The following CNTN3 variants were observed in gnomAD, a reference collection of about 807,000 sequenced individuals.
CNTN3 encodes the protein contactin 3.
Under a neutral mutation model 119.1 loss-of-function variants are expected in CNTN3, and 60 were observed. That is an observed-to-expected ratio of 0.50 (90% CI 0.41 to 0.62). The LOEUF (loss-of-function observed/expected upper bound fraction) is 0.62, where lower values mean the gene tolerates loss of function less well. Ranked by LOEUF, CNTN3 falls within the 20% of genes least tolerant of loss-of-function variation. CNTN3 has a pLI of 0.00. For synonymous variants in CNTN3, 450 were observed against 438.7 expected, an observed-to-expected ratio of 1.03 and a Z score of -0.32; for missense variants, 1,101 against 1,242.4, an observed-to-expected ratio of 0.89 and a Z score of 1.71.
At chr3:74,503,962 C>T (rs947394210) in intron 2 of CNTN3, among the ~76,000 whole-genome samples, 12 of 152,112 alleles carry the variant, frequency 7.9e-5, no homozygotes, top group Non-Finnish European at 1.5e-4. Flanking sequence ...TAAGTACAAG[C>T]TTTATGAGCT....
intron 13 of CNTN3, among the ~76,000 whole-genome samples, chr3:74,315,881 T>C (rs1305322138): frequency 1.3e-5 from 2 of 152,212 alleles, no homozygotes; most frequent in Non-Finnish European, 2.9e-5. Flanking sequence ...TATGAAAATA[T>C]TTTATATGGA....
At chr3:74,380,268 C>T (rs1704581390) in intron 5 of CNTN3, among the ~76,000 whole-genome samples, 1 of 152,192 alleles carries the variant, frequency 6.6e-6, no homozygotes, top group African/African-American at 2.4e-5. Flanking sequence ...GCTTTGTGTG[C>T]TGAAAGAAAG....
intron 13 of CNTN3, among the ~76,000 whole-genome samples, chr3:74,304,380 T>C (rs1371966841): frequency 3.9e-5 from 6 of 152,204 alleles, no homozygotes; most frequent in Admixed American, 2.0e-4. Context: ...CTTTAGAAAC[T>C]CTTAGGTCTT....
At chr3:74,424,700 T>C (rs1160868708) in intron 5 of CNTN3, 145 bp downstream of exon 5, 3 of 716,716 alleles carry the variant, frequency 4.2e-6, no homozygotes, top group Non-Finnish European at 2.4e-6. Flanking sequence ...GTAGTGTTCC[T>C]CATATTCCAA....
At chr3:74,424,240 C>G (rs966411264) in intron 5 of CNTN3, among the ~76,000 whole-genome samples, 4 of 151,996 alleles carry the variant, frequency 2.6e-5, no homozygotes, top group Admixed American at 1.3e-4. Flanking sequence ...TTCATATGTG[C>G]TGAAGTTCAT....
chr3:74,440,146 T>G (rs1701937340), intron 4 of CNTN3, among the ~76,000 whole-genome samples: 1 of 152,196 alleles, frequency 6.6e-6, no homozygotes. Flanking sequence ...TAATATTCTG[T>G]GGTGCATTTT....
chr3:74,439,088 T>TAA (rs1210610260), intron 4 of CNTN3, among the ~76,000 whole-genome samples: 1 of 152,196 alleles, frequency 6.6e-6, no homozygotes, highest in Non-Finnish European at 1.5e-5. Flanking sequence ...TTAATTAGCT[T>TAA]AATTTGATTT....
At chr3:74,485,722 A>G (rs934899021) in intron 4 of CNTN3, among the ~76,000 whole-genome samples, 10 of 144,334 alleles carry the variant, frequency 6.9e-5, no homozygotes, top group Non-Finnish European at 1.2e-4. Context: ...AACTAAAATA[A>G]AGAGAGACTA....
chr3:74,413,644 G>A (rs1280985143), intron 5 of CNTN3, among the ~76,000 whole-genome samples: 6 of 152,136 alleles, frequency 3.9e-5, no homozygotes, highest in South Asian at 2.1e-4. Flanking sequence ...CCCTCCTTTC[G>A]TTTGAATTAC....
At chr3:74,504,948 G>T (rs1208900534) in intron 2 of CNTN3, among the ~76,000 whole-genome samples, 3 of 152,126 alleles carry the variant, frequency 2.0e-5, no homozygotes, top group African/African-American at 7.2e-5. Flanking sequence ...CTGAAAGTCT[G>T]TATCAAGGTG....
chr3:74,327,105 CCTT>C lies in CNTN3; in HGVS notation c.1668+7627_1668+7629del, dbSNP rs1163819403. 8.5e-3 allele frequency among the ~76,000 whole-genome samples: 766 copies of C among 90,604 alleles called. 2 individuals carry two copies. The highest frequency in any genetic ancestry group is 0.028 in the Middle Eastern group (2 of 72). 59.4% of individuals were successfully genotyped at this position (90,604 alleles called of 152,430 possible). ...CTAAAGTAGCTTATGAAGGGTTAAT[CCTT>C]TTTTTTTTTTTTTTTTTTTTTTTGT... On this transcript the variant is annotated intron_variant, in intron 13 of 22. Coordinates refer to ENST00000263665, the MANE Select transcript of CNTN3 (RefSeq NM_020872.3).
In CNTN3 at chr3:74,307,795, A is replaced by G. The variant is rs144972349; in HGVS notation, c.1669-4988T>C. 6.9e-3 allele frequency among the ~76,000 whole-genome samples: 1,056 copies of G among 152,340 alleles called. 13 individuals carry two copies. Among genetic ancestry groups the G allele is most frequent in the African/African-American group, 0.023 (940 of 41,578 alleles). The stretch of plus-strand genomic sequence containing the variant: ...CAAATATTGTACAAACTTTCAGTAT[A>G]ATAAATTATAAGCAAATAATGAATT... On this transcript the variant is annotated intron_variant, in intron 13 of 22. Transcript: ENST00000263665.
chr3:74,388,152 A>C (rs900444696), intron 5 of CNTN3, among the ~76,000 whole-genome samples: 1 of 152,152 alleles, frequency 6.6e-6, no homozygotes, highest in African/African-American at 2.4e-5. Context: ...AATTTCACTG[A>C]ATTAAAATCA....
In CNTN3 at chr3:74,606,276, T is replaced by C. The variant is rs186715769; in HGVS notation, c.-81+8115A>G. On this transcript the variant is annotated intron_variant, in intron 1 of 22. Coordinates refer to ENST00000263665, the MANE Select transcript of CNTN3 (RefSeq NM_020872.3). Reference sequence around the variant, plus strand: ...AACTTTAAAAACAGGGGCATATTAATCTTATATACAATCTAAAATGCCTCC... The same window carrying C: ...AACTTTAAAAACAGGGGCATATTAACCTTATATACAATCTAAAATGCCTCC... Among the ~76,000 whole-genome samples, 103 of 152,170 alleles carry C rather than the reference T, an allele frequency of 6.8e-4. 1 individual carries two copies. Among genetic ancestry groups the C allele is most frequent in the African/African-American group, 2.4e-3 (101 of 41,536 alleles).
intron 5 of CNTN3, among the ~76,000 whole-genome samples, chr3:74,388,268 ATATT>A (rs1421633596): frequency 6.6e-6 from 1 of 152,220 alleles, no homozygotes; most frequent in African/African-American, 2.4e-5. Context: ...TACACTGTAA[ATATT>A]TATTGAGAAT....
chr3:74,554,845 G>A (rs867320188), intron 1 of CNTN3, among the ~76,000 whole-genome samples: 9 of 152,258 alleles, frequency 5.9e-5, no homozygotes, highest in Middle Eastern at 3.4e-3. Context: ...ACATACAATC[G>A]TGTCATTTGC....
intron 4 of CNTN3, among the ~76,000 whole-genome samples, chr3:74,452,987 T>G (rs1702190334): frequency 6.6e-6 from 1 of 151,536 alleles, no homozygotes; most frequent in Admixed American, 6.6e-5. Context: ...CTTTTTTGGT[T>G]GTGTCTCTGC....
intron 13 of CNTN3, among the ~76,000 whole-genome samples, chr3:74,305,177 G>A (rs1403156969): frequency 6.6e-6 from 1 of 152,178 alleles, no homozygotes; most frequent in Non-Finnish European, 1.5e-5. Flanking sequence ...TACAAATTTA[G>A]AAAGTGTAAT....
intron 13 of CNTN3, among the ~76,000 whole-genome samples, chr3:74,308,398 CT>C (rs963776040): frequency 2.6e-5 from 4 of 152,172 alleles, no homozygotes; most frequent in Admixed American, 2.0e-4. Context: ...ATTTGCTTGA[CT>C]TTCTTGGGTA....
Sources: gnomAD v4.1 joint callset for allele counts (sites outside exome capture counted in the v4.1 genomes callset) on GRCh38, gnomAD v4.1.1 for gene constraint, MANE v1.5 for transcripts, NCBI Gene and HGNC (gene_info 2026-07-23, HGNC 2026-07-21) for gene names.